Variants in MSI2 observed in about 807,000 individuals in gnomAD.
MSI2 encodes the protein musashi RNA binding protein 2, also known as RNA-binding protein Musashi homolog 2.
A neutral mutation model predicts 45.6 loss-of-function variants in MSI2; 17 were observed. The ratio of observed to expected loss-of-function variants is 0.37; its 90% CI spans 0.26 to 0.56. The LOEUF (loss-of-function observed/expected upper bound fraction) is 0.56, where lower values mean the gene tolerates loss of function less well. Ranked by LOEUF, MSI2 falls within the 20% of genes least tolerant of loss-of-function variation. The pLI is 0.77. For synonymous variants in MSI2, 156 were observed against 158.2 expected, an observed-to-expected ratio of 0.99 and a Z score of 0.11; for missense variants, 293 against 444.2, an observed-to-expected ratio of 0.66 and a Z score of 3.06.
Position 57,493,450 on chromosome 17 carries a change from A to G in MSI2, c.406-36226A>G, listed in dbSNP as rs144079644. 1.6e-3 allele frequency among the ~76,000 whole-genome samples: 247 copies of G among 152,100 alleles called. 7 individuals carry two copies. In the East Asian group the frequency reaches 0.045, roughly 27 times the overall value. On this transcript the variant is annotated intron_variant, in intron 6 of 13. Coordinates refer to ENST00000284073, the MANE Select transcript of MSI2 (RefSeq NM_138962.4). ...GGTTTTTAAGTGTGGTGAAAATATC[A>G]ATAAAGAGGCTGGCCATTTTGGTCC...
chr17:57,463,351 G>A (rs1310437970), intron 6 of MSI2, among the ~76,000 whole-genome samples: 1 of 152,094 alleles, frequency 6.6e-6, no homozygotes, highest in Non-Finnish European at 1.5e-5. Context: ...TGATCTTGGG[G>A]AATTTCCAGC....
chr17:57,643,636 C>T (rs1910421314), intron 10 of MSI2, among the ~76,000 whole-genome samples: 1 of 152,252 alleles, frequency 6.6e-6, no homozygotes, highest in Non-Finnish European at 1.5e-5. Context: ...CTATTTTATG[C>T]TTCCACAAAG....
At chr17:57,586,851 A>T (rs2088361359) in intron 7 of MSI2, among the ~76,000 whole-genome samples, 1 of 19,628 alleles carries the variant, frequency 5.1e-5, no homozygotes, top group Admixed American at 6.7e-4. Flanking sequence ...CATCTCCTTA[A>T]AAAAAAAAAA....
chr17:57,353,625 G>A (rs1916204582), intron 5 of MSI2, among the ~76,000 whole-genome samples: 1 of 152,210 alleles, frequency 6.6e-6, no homozygotes, highest in African/African-American at 2.4e-5. Context: ...CATTTGCTGA[G>A]TCAAAGTATC....
chr17:57,662,937 C>T (rs954141058), intron 11 of MSI2, among the ~76,000 whole-genome samples: 2 of 152,220 alleles, frequency 1.3e-5, no homozygotes, highest in Non-Finnish European at 2.9e-5. Context: ...TGGAAGGGAA[C>T]CTTTAGCTGA....
chr17:57,649,294 AAC>A (rs1459575401), intron 10 of MSI2, among the ~76,000 whole-genome samples: 3 of 149,958 alleles, frequency 2.0e-5, no homozygotes, highest in East Asian at 4.0e-4. Context: ...ACACTCAACA[AAC>A]ACAACACACA....
chr17:57,618,904 A>G (rs776742047), intron 9 of MSI2, among the ~76,000 whole-genome samples: 2 of 152,240 alleles, frequency 1.3e-5, no homozygotes, highest in African/African-American at 4.8e-5. Flanking sequence ...AGTTGAGCCT[A>G]TTACCACCTA....
At chr17:57,623,586 A>AT (rs1052521204) in intron 9 of MSI2, among the ~76,000 whole-genome samples, 2 of 152,006 alleles carry the variant, frequency 1.3e-5, no homozygotes, top group Non-Finnish European at 2.9e-5. Context: ...AGAAGCCTTG[A>AT]TTTTTTTTTA....
At position 57,378,539 on chromosome 17, in the gene MSI2, G is replaced by A. The variant is rs536539673; in HGVS notation, c.313-22840G>A. 7.2e-5 allele frequency among the ~76,000 whole-genome samples: 11 copies of A among 152,328 alleles called. No homozygotes were observed. In the South Asian group the frequency reaches 2.3e-3, roughly 32 times the overall value. ...GGCCTCCCAAAGTGCTGGGATTACA[G>A]GCGTTAGCCACTGTGCCCGGCCAAT... On this transcript the variant is annotated intron_variant, in intron 5 of 13. Transcript: ENST00000284073.
At chr17:57,631,732 A>C in intron 10 of MSI2, 1 of 1,403,934 alleles carries the variant, frequency 7.1e-7, no homozygotes, top group Admixed American at 1.7e-5. Flanking sequence ...TCTTTTCCCC[A>C]CTCTGGACTT....
chr17:57,490,641 A>G (rs1444751722), intron 6 of MSI2, among the ~76,000 whole-genome samples: 1 of 152,166 alleles, frequency 6.6e-6, no homozygotes, highest in African/African-American at 2.4e-5. Context: ...ATCCTTGCCA[A>G]AGGAGAAATA....
rs143674608 is a variant in MSI2 at position 57,393,898 on chromosome 17, T to C, written c.313-7481T>C. ...GGTTTTGCCATGTTGGCCAGGCTAG[T>C]CTCAAACTACTGACCTCAGGTGATC... On this transcript the variant is annotated intron_variant, in intron 5 of 13. Transcript: ENST00000284073. Among the ~76,000 whole-genome samples the C allele has an allele frequency of 4.6e-3, 706 of 152,268 alleles. 3 individuals carry two copies. The highest frequency in any genetic ancestry group is 7.2e-3 in the Non-Finnish European group (493 of 68,008).
chr17:57,632,282 C>T (rs1310744864), intron 10 of MSI2: 8 of 1,077,942 alleles, frequency 7.4e-6, no homozygotes, highest in African/African-American at 3.3e-5. Flanking sequence ...CCGTGTCTTA[C>T]GATGGACAGT....
In MSI2 at chr17:57,356,865, GA is replaced by G. The variant is rs921450901; in HGVS notation, c.313-44504del. The stretch of plus-strand genomic sequence containing the variant: ...AAATTCTTCGTTGCAGCTAATTTAA[GA>G]AAAAAAAAATTAAACAGGTGATTAG... On this transcript the variant is annotated intron_variant, in intron 5 of 13. Coordinates refer to ENST00000284073, the MANE Select transcript of MSI2 (RefSeq NM_138962.4). 1.8e-3 allele frequency among the ~76,000 whole-genome samples: 273 copies of G among 150,066 alleles called. 1 individual carries two copies. Among genetic ancestry groups the G allele is most frequent in the African/African-American group, 6.2e-3 (254 of 41,014 alleles).
chr17:57,673,284 C>G (rs908835673), intron 11 of MSI2, among the ~76,000 whole-genome samples: 6 of 152,332 alleles, frequency 3.9e-5, no homozygotes, highest in Admixed American at 6.5e-5. Flanking sequence ...GAACTGAGGG[C>G]CTCAAATCAC....
At chr17:57,525,557 G>A (rs1383128126) in intron 6 of MSI2, among the ~76,000 whole-genome samples, 1 of 152,108 alleles carries the variant, frequency 6.6e-6, no homozygotes, top group East Asian at 1.9e-4. Context: ...TAAAGTGCTG[G>A]GATTACTAGA....
At chr17:57,559,314 G>A (rs1366956466) in intron 7 of MSI2, among the ~76,000 whole-genome samples, 2 of 152,164 alleles carry the variant, frequency 1.3e-5, no homozygotes, top group Non-Finnish European at 2.9e-5. Context: ...AAGAGGACAA[G>A]CCCCGATGTC....
chr17:57,674,177 A>C (rs1404330516), intron 11 of MSI2, among the ~76,000 whole-genome samples: 1 of 149,832 alleles, frequency 6.7e-6, no homozygotes, highest in Non-Finnish European at 1.5e-5. Context: ...CAAACTCTCC[A>C]TAACATATCC....
At chr17:57,460,979 C>T (rs1473265320) in intron 6 of MSI2, among the ~76,000 whole-genome samples, 1 of 152,178 alleles carries the variant, frequency 6.6e-6, no homozygotes, top group African/African-American at 2.4e-5. Context: ...TCCCTCCTTG[C>T]AGAGGCTGCA....
Sources: allele counts gnomAD v4.1 joint callset (sites outside exome capture counted in the v4.1 genomes callset), GRCh38; gene constraint gnomAD v4.1.1; transcripts MANE v1.5; gene names NCBI Gene and HGNC (gene_info 2026-07-23, HGNC 2026-07-21).